Variants in HHIPL1 observed in about 807,000 individuals in gnomAD.
HHIPL1 encodes HHIP like 1, also known as HHIP-like protein 1.
HHIPL1 carries 43 observed loss-of-function variants against 61.8 expected under a neutral mutation model. The observed-to-expected ratio is 0.70, with a 90% CI of 0.55 to 0.90. The LOEUF is 0.90. Among genes scored for constraint, HHIPL1 ranks in the 40% least tolerant of loss-of-function variants. HHIPL1 has a pLI of 0.00. For synonymous variants in HHIPL1, 482 were observed against 515.8 expected (o/e 0.93, Z 0.89); for missense variants, 1,056 against 1,157.7 (o/e 0.91, Z 1.28).
In HHIPL1 at chr14:99,675,496, T is replaced by C. The variant is rs2056380064; in HGVS notation, c.2219T>C (p.Leu740Pro). ...CAGGGCGGCTCGCTGCCCATTCTGC[T>C]GGACGATGTGCGCTGCGCGGGCTGG... The part of the protein sequence containing the change: ...FGQGGSLPIL[L>P]DDVRCAGWER... Residue 740 changes from leucine to proline, a missense_variant, in exon 9 of 9, where the codon CTG becomes CCG. Leu to Pro is a moderately conservative substitution (Grantham distance 98). Coordinates refer to ENST00000330710, the MANE Select transcript of HHIPL1 (RefSeq NM_001127258.3). This position sits in a 1 kb window ranked among gnomAD's most constrained non-coding sequence, Gnocchi z 5.4. 1.9e-6 allele frequency: 3 copies of C among 1,543,018 alleles called. No individual in the cohort carries two copies. The highest frequency in any genetic ancestry group is 2.6e-6 in the Non-Finnish European group (3 of 1,146,518).
intron 8 of HHIPL1, among the ~76,000 whole-genome samples, chr14:99,672,951 C>G (rs2056341239): frequency 6.6e-6 from 1 of 152,232 alleles, no homozygotes. Context: ...CCCCCATCCA[C>G]TCATTCACCA....
the HHIPL1 span, among the ~76,000 whole-genome samples, chr14:99,628,173 C>G: frequency 6.6e-6 from 1 of 152,172 alleles, no homozygotes; most frequent in Admixed American, 6.5e-5. Flanking sequence ...GAGCCCAGGT[C>G]CCCAGGTAGC....
chr14:99,619,179 C>A, the HHIPL1 span, among the ~76,000 whole-genome samples: 3 of 152,116 alleles, frequency 2.0e-5, no homozygotes, highest in African/African-American at 4.8e-5. Flanking sequence ...TGGCCGGGCA[C>A]GGTGGCTCAC....
intron 6 of HHIPL1, among the ~76,000 whole-genome samples, chr14:99,665,300 A>T (rs1417013517): frequency 6.6e-6 from 1 of 152,058 alleles, no homozygotes; most frequent in East Asian, 1.9e-4. Context: ...CCTTATGCTG[A>T]TTGAGTGGGG....
chr14:99,625,668 C>T, the HHIPL1 span: 2 of 152,304 alleles, frequency 1.3e-5, no homozygotes, highest in African/African-American at 4.8e-5. Context: ...CTCCAATGCC[C>T]ATCTGCCCTG....
At position 99,669,813 on chromosome 14, in the gene HHIPL1, T is replaced by C. The variant is rs192996848; in HGVS notation, c.1730+1510T>C. On this transcript the variant is annotated intron_variant, in intron 7 of 8. Coordinates refer to ENST00000330710, the MANE Select transcript of HHIPL1 (RefSeq NM_001127258.3). Reference sequence around the variant, plus strand: ...GCTGGCGCACATCTATAGTCCCAGCTACTTGGGATGCTAAGGTGAGAGGAT... The same window carrying C: ...GCTGGCGCACATCTATAGTCCCAGCCACTTGGGATGCTAAGGTGAGAGGAT... 2.7e-4 allele frequency among the ~76,000 whole-genome samples: 41 copies of C among 152,306 alleles called. No homozygotes were observed. In the East Asian group the frequency reaches 6.8e-3, roughly 25 times the overall value.
chr14:99,613,216 C>T, the HHIPL1 span, among the ~76,000 whole-genome samples: 6 of 151,798 alleles, frequency 4.0e-5, no homozygotes, highest in Non-Finnish European at 7.4e-5. Context: ...ACTATAACAA[C>T]GAGACCAGGA....
At chr14:99,621,718 T>TCTTTTCTTTC in the HHIPL1 span, among the ~76,000 whole-genome samples, 9 of 132,892 alleles carry the variant, frequency 6.8e-5, no homozygotes, top group African/African-American at 2.5e-4. Context: ...TCTTTTTTTT[T>TCTTTTCTTTC]TTTTTTTTTT....
chr14:99,645,424 G>A lies in HHIPL1; in HGVS notation c.217G>A (p.Ala73Thr), dbSNP rs1025400044. Reference protein sequence around the residue: ...LASRVDAAEWAACAGYARDLL... With the variant: ...LASRVDAAEWTACAGYARDLL... ...GAGCCGCGTGGACGCCGCCGAGTGGGCCGCGTGCGCCGGCTACGCGAGGGA... is the reference window on the plus strand; with the variant it reads ...GAGCCGCGTGGACGCCGCCGAGTGGACCGCGTGCGCCGGCTACGCGAGGGA... The change falls in exon 1 of 9, where the codon GCC becomes ACC. Residue 73 changes from alanine to threonine, a missense_variant. Transcript: ENST00000330710. The A allele has an allele frequency of 1.5e-6, 2 of 1,368,304 alleles. No homozygotes were observed. Among genetic ancestry groups the A allele is most frequent in the South Asian group, 1.7e-5 (1 of 57,412 alleles). 84.8% of individuals were successfully genotyped at this position (1,368,304 alleles called of 1,614,324 possible). A position where few individuals can be genotyped will look rare whatever the true frequency, so the allele number is the denominator to read the frequency against.
chr14:99,622,451 G>A, the HHIPL1 span, among the ~76,000 whole-genome samples: 12 of 152,298 alleles, frequency 7.9e-5, no homozygotes, highest in Admixed American at 3.9e-4. Context: ...CTTGCTCCCC[G>A]ACAACTGTCA....
the HHIPL1 span, among the ~76,000 whole-genome samples, chr14:99,619,086 G>C: frequency 6.6e-6 from 1 of 152,246 alleles, no homozygotes; most frequent in South Asian, 2.1e-4. Flanking sequence ...GCCTCACCAT[G>C]ATCTCACTAT....
At chr14:99,672,219 C>T (rs2056332863) in intron 7 of HHIPL1, 98 bp from the exon 8 acceptor site, 1 of 870,982 alleles carries the variant, frequency 1.1e-6, no homozygotes, top group Non-Finnish European at 1.9e-6. Context: ...CCGCCTGTTA[C>T]TATCGTTGCT....
chr14:99,611,253 C>T, the HHIPL1 span, among the ~76,000 whole-genome samples: 1 of 151,974 alleles, frequency 6.6e-6, no homozygotes, highest in African/African-American at 2.4e-5. Context: ...CCTGCCTCAG[C>T]CTCCTGAGTA....
At chr14:99,646,794 T>G in intron 1 of HHIPL1, among the ~76,000 whole-genome samples, 1 of 107,114 alleles carries the variant, frequency 9.3e-6, no homozygotes, top group East Asian at 2.4e-4. Flanking sequence ...TATAATATAA[T>G]ATGATATGAT....
chr14:99,615,687 G>T, the HHIPL1 span, among the ~76,000 whole-genome samples: 1 of 147,610 alleles, frequency 6.8e-6, no homozygotes, highest in Non-Finnish European at 1.5e-5. Context: ...AGGAAGGAAA[G>T]AAAGAAAGAG....
intron 6 of HHIPL1, among the ~76,000 whole-genome samples, chr14:99,665,312 G>A (rs1325092158): frequency 1.3e-5 from 2 of 152,210 alleles, no homozygotes; most frequent in Non-Finnish European, 2.9e-5. Context: ...TGAGTGGGGA[G>A]GGCCAGCACA....
intron 4 of HHIPL1, 119 bp downstream of exon 4, chr14:99,659,875 T>A: frequency 5.0e-6 from 3 of 601,782 alleles, no homozygotes; most frequent in Non-Finnish European, 7.3e-6. Context: ...TCCCTGACCC[T>A]GAGTCTGTCC....
chr14:99,649,842 C>A (rs1280047986), intron 1 of HHIPL1, among the ~76,000 whole-genome samples: 1 of 152,218 alleles, frequency 6.6e-6, no homozygotes, highest in Non-Finnish European at 1.5e-5. Context: ...CCCTACCTTG[C>A]AGAGATGAAA....
chr14:99,641,223 G>C (rs2055747737), upstream of HHIPL1, among the ~76,000 whole-genome samples: 1 of 151,720 alleles, frequency 6.6e-6, no homozygotes, highest in Admixed American at 6.6e-5. Flanking sequence ...GTTTTCGTAG[G>C]GCAGATCTGC....
Sources: gnomAD v4.1 joint callset for allele counts (sites outside exome capture counted in the v4.1 genomes callset) on GRCh38, gnomAD v4.1.1 for gene constraint, Gnocchi (gnomAD v3.1) non-coding constraint, MANE v1.5 for transcripts, NCBI Gene and HGNC (gene_info 2026-07-23, HGNC 2026-07-21) for gene names.